Variants in RAI1 observed in about 807,000 individuals in gnomAD.
RAI1 encodes the protein retinoic acid-induced protein 1.
A neutral mutation model predicts 123.8 loss-of-function variants in RAI1; 9 were observed. The observed-to-expected ratio is 0.07, with a 90% confidence interval of 0.04 to 0.13. RAI1 has a LOEUF of 0.13. RAI1 is among the 10% of genes least tolerant of loss of function. The probability of loss-of-function intolerance (pLI) is 1.00; values close to 1 mark genes in which losing one functional copy is unlikely to be tolerated. For synonymous variants in RAI1, 1,231 were observed against 1,127.3 expected, an observed-to-expected ratio of 1.09 and a Z score of -1.84; for missense variants, 2,256 against 2,545.8, an observed-to-expected ratio of 0.89 and a Z score of 2.45.
intron 2 of RAI1, among the ~76,000 whole-genome samples, chr17:17,743,663 A>G (rs1418472201): frequency 6.6e-6 from 1 of 152,232 alleles, no homozygotes; most frequent in Non-Finnish European, 1.5e-5. Context: ...CAGGTCTCTG[A>G]AGCTCAGCTG....
chr17:17,763,695 TAGTC>T (rs1292114736), intron 2 of RAI1, among the ~76,000 whole-genome samples: 1 of 152,140 alleles, frequency 6.6e-6, no homozygotes, highest in Admixed American at 6.5e-5. Context: ...ACGGGACTCA[TAGTC>T]AGAATGTTTC....
chr17:17,807,256 G>T (rs1031984199), intron 4 of RAI1, among the ~76,000 whole-genome samples: 3 of 150,352 alleles, frequency 2.0e-5, no homozygotes, highest in African/African-American at 4.9e-5. Flanking sequence ...CGGTGGGGGG[G>T]GCGGGGGGGT....
Position 17,797,294 on chromosome 17 carries a change from G to A in RAI1, c.4346G>A (p.Arg1449Gln), listed in dbSNP as rs571438309. 2.4e-5 allele frequency: 39 copies of A among 1,612,742 alleles called. No homozygotes were observed. The highest frequency in any genetic ancestry group is 8.3e-5 in the Admixed American group (5 of 60,014). The change falls in exon 3 of 6, where the codon CGG (arginine) becomes CAG (glutamine). Residue 1449 changes from arginine to glutamine, a missense_variant. Arg to Gln is a conservative substitution (Grantham distance 43). Transcript: ENST00000353383. The part of the protein sequence containing the change: ...GTALAPKKRS[R>Q]KGRAGAHGLS... Reference sequence around the variant, plus strand: ...GCCCTGGCGCCTAAGAAGAGGAGCCGGAAAGGCCGGGCAGGGGCCCATGGA... The same window carrying A: ...GCCCTGGCGCCTAAGAAGAGGAGCCAGAAAGGCCGGGCAGGGGCCCATGGA...
intron 2 of RAI1, among the ~76,000 whole-genome samples, chr17:17,744,766 G>GGT (rs1916763387): frequency 6.9e-6 from 1 of 144,286 alleles, no homozygotes; most frequent in African/African-American, 2.8e-5. Context: ...CTCCAGCCTG[G>GGT]GTGACAGGTT....
chr17:17,733,033 C>T (rs1252590450), intron 2 of RAI1, among the ~76,000 whole-genome samples: 1 of 152,208 alleles, frequency 6.6e-6, no homozygotes, highest in Non-Finnish European at 1.5e-5. Context: ...ATTGCAGGGC[C>T]ACACACCCAC....
intron 1 of RAI1, among the ~76,000 whole-genome samples, chr17:17,687,047 G>A (rs540673382): frequency 4.6e-5 from 7 of 152,100 alleles, no homozygotes; most frequent in Admixed American, 6.5e-5. Flanking sequence ...GCAATGGTGC[G>A]ATCTCAGCTC....
At chr17:17,742,382 G>A (rs978465594) in intron 2 of RAI1, among the ~76,000 whole-genome samples, 1 of 152,226 alleles carries the variant, frequency 6.6e-6, no homozygotes, top group African/African-American at 2.4e-5. Context: ...GCCTGAGGTA[G>A]CAGGCAAGTT....
intron 1 of RAI1, among the ~76,000 whole-genome samples, chr17:17,713,707 G>A (rs1220463685): frequency 6.6e-6 from 1 of 152,142 alleles, no homozygotes; most frequent in Non-Finnish European, 1.5e-5. Context: ...ATTGTCATAG[G>A]GTGAAGGGGA....
chr17:17,771,580 T>C (rs867517724), intron 2 of RAI1, among the ~76,000 whole-genome samples: 1 of 152,196 alleles, frequency 6.6e-6, no homozygotes, highest in African/African-American at 2.4e-5. Flanking sequence ...GATGGAGCTA[T>C]GGCAGAGATG....
At chr17:17,756,745 C>A (rs769636040) in intron 2 of RAI1, among the ~76,000 whole-genome samples, 8 of 152,152 alleles carry the variant, frequency 5.3e-5, no homozygotes, top group Non-Finnish European at 8.8e-5. Context: ...GTGAAGCAGA[C>A]GCTTGAGTCG....
chr17:17,806,107 CAGTT>C (rs912686818), intron 4 of RAI1, among the ~76,000 whole-genome samples: 53 of 152,324 alleles, frequency 3.5e-4, no homozygotes, highest in African/African-American at 1.3e-3. Flanking sequence ...TTCTTGGCCA[CAGTT>C]AGGGAGACCA....
chr17:17,770,446 AAGAC>A (rs1224581934), intron 2 of RAI1, among the ~76,000 whole-genome samples: 2 of 152,228 alleles, frequency 1.3e-5, no homozygotes, highest in Non-Finnish European at 2.9e-5. Context: ...GTGCATAAAA[AAGAC>A]AGAAGTTATA....
At chr17:17,792,872 T>TC in intron 2 of RAI1, 61 bp from the exon 3 acceptor site, 21 of 621,800 alleles carry the variant, frequency 3.4e-5, no homozygotes, top group Non-Finnish European at 3.9e-5. Context: ...CTCTGCCCCC[T>TC]CCCTGCCCAT....
intron 4 of RAI1, among the ~76,000 whole-genome samples, chr17:17,808,386 A>AT (rs1366016132): frequency 1.5e-5 from 2 of 130,120 alleles, no homozygotes; most frequent in Non-Finnish European, 3.1e-5. Flanking sequence ...ATTTTATTTT[A>AT]TTATTTTATT....
At chr17:17,741,049 C>T (rs751140868) in intron 2 of RAI1, among the ~76,000 whole-genome samples, 22 of 151,922 alleles carry the variant, frequency 1.4e-4, no homozygotes, top group Admixed American at 4.6e-4. Context: ...TCAGAGCATC[C>T]GGAGTGTGGT....
intron 2 of RAI1, among the ~76,000 whole-genome samples, chr17:17,738,162 A>C (rs1416414771): frequency 6.6e-6 from 1 of 152,026 alleles, no homozygotes; most frequent in East Asian, 1.9e-4. Flanking sequence ...GGCAGCTGCC[A>C]TGGGAAGGTT....
chr17:17,741,350 C>T (rs1035845680), intron 2 of RAI1, among the ~76,000 whole-genome samples: 1 of 152,202 alleles, frequency 6.6e-6, no homozygotes, highest in African/African-American at 2.4e-5. Flanking sequence ...GCAGGGCGGG[C>T]TCGGCCACCT....
intron 2 of RAI1, among the ~76,000 whole-genome samples, chr17:17,790,419 G>A (rs2031970737): frequency 2.0e-5 from 3 of 152,108 alleles, no homozygotes; most frequent in Non-Finnish European, 2.9e-5. Context: ...TGCTTTCACC[G>A]CATCCAGCTG....
At chr17:17,712,322 C>T (rs956495589) in intron 1 of RAI1, among the ~76,000 whole-genome samples, 1 of 152,184 alleles carries the variant, frequency 6.6e-6, no homozygotes, top group African/African-American at 2.4e-5. Flanking sequence ...AGCAGGGCTC[C>T]AGAACAGAGA....
Sources: gnomAD v4.1 joint callset for allele counts (sites outside exome capture counted in the v4.1 genomes callset) on GRCh38, gnomAD v4.1.1 for gene constraint, MANE v1.5 for transcripts, NCBI Gene and HGNC (gene_info 2026-07-23, HGNC 2026-07-21) for gene names.